The following PCDHGA1 variants were observed in gnomAD, a reference collection of about 807,000 sequenced individuals.
PCDHGA1 encodes the protein protocadherin gamma subfamily A, 1.
Under a neutral mutation model 58.0 loss-of-function variants are expected in PCDHGA1, and 32 were observed. The observed-to-expected ratio is 0.55, with a 90% CI of 0.42 to 0.74. The LOEUF (loss-of-function observed/expected upper bound fraction) is 0.74. PCDHGA1 is among the 30% of genes least tolerant of loss of function. The pLI is 0.00. For synonymous variants in PCDHGA1, 498 were observed against 501.1 expected, an observed-to-expected ratio of 0.99 and a Z score of 0.08; for missense variants, 1,205 against 1,182.3, an observed-to-expected ratio of 1.02 and a Z score of -0.28.
intron 1 of PCDHGA1, chr5:141,392,738 T>C (rs2150490352): frequency 4.2e-6 from 6 of 1,433,676 alleles, no homozygotes; most frequent in Non-Finnish European, 5.5e-6. Flanking sequence ...GTCATCTCCA[T>C]AGCTGCGGCA....
intron 2 of PCDHGA1, among the ~76,000 whole-genome samples, chr5:141,499,573 A>AT (rs2099792803): frequency 1.3e-5 from 2 of 152,108 alleles, no homozygotes; most frequent in Non-Finnish European, 2.9e-5. Context: ...AGCTTCAACT[A>AT]ATGCCTTATC....
At chr5:141,444,918 C>T (rs1197922745) in intron 1 of PCDHGA1, among the ~76,000 whole-genome samples, 1 of 152,106 alleles carries the variant, frequency 6.6e-6, no homozygotes, top group Non-Finnish European at 1.5e-5. Flanking sequence ...ATACCTTTAT[C>T]AGGGAAAGAG....
chr5:141,353,366 G>A (rs1188764395), intron 1 of PCDHGA1, among the ~76,000 whole-genome samples: 1 of 152,122 alleles, frequency 6.6e-6, no homozygotes, highest in Non-Finnish European at 1.5e-5. Flanking sequence ...TGTAATTGAT[G>A]TAATTATGTA....
chr5:141,376,027 C>A (rs750383085), intron 1 of PCDHGA1: 30 of 1,613,250 alleles, frequency 1.9e-5, no homozygotes, highest in Non-Finnish European at 2.5e-5. Context: ...CCGTCCAGGA[C>A]CACGGCCAGC....
rs1175289328 is a variant in PCDHGA1 at position 141,334,074 on chromosome 5, T to C, written c.2421+969T>C. 1.3e-5 allele frequency: 2 copies of C among 152,240 alleles called. No homozygotes were observed. Among genetic ancestry groups the C allele is most frequent in the Non-Finnish European group, 2.9e-5 (2 of 68,050 alleles). The allele number at this position is 152,240 out of a possible 1,614,324, so 9.4% of individuals were successfully genotyped here. On this transcript the variant is annotated intron_variant, in intron 1 of 3. Coordinates refer to ENST00000517417, the MANE Select transcript of PCDHGA1 (RefSeq NM_018912.3). This position sits in a 1 kb window ranked among gnomAD's most constrained non-coding sequence, Gnocchi z 4.6. ...GAGTAAGTCCATGCTTTGATGTATT[T>C]ACTCTGCTCCAATAAAATACAGAGA...
Position 141,400,379 on chromosome 5 carries a change from G to C in PCDHGA1, c.2421+67274G>C, listed in dbSNP as rs759135733. 3 of 1,613,922 alleles carry C rather than the reference G, an allele frequency of 1.9e-6. No homozygotes were observed. The East Asian group carries it at 6.7e-5, about 36-fold the overall frequency. ...ACTTTGCCTTATTCCTACAACCTAT[G>C]TGTTGCACATACAGGAAAGACGGAG... On this transcript the variant is annotated intron_variant, in intron 1 of 3. Coordinates refer to ENST00000517417, the MANE Select transcript of PCDHGA1 (RefSeq NM_018912.3).
Position 141,399,669 on chromosome 5 carries a change from C to T in PCDHGA1, c.2421+66564C>T, listed in dbSNP as rs2093861369. 1.9e-6 allele frequency: 3 copies of T among 1,613,524 alleles called. No individual in the cohort carries two copies. The African/African-American group carries it at 4.0e-5, about 22-fold the overall frequency. On this transcript the variant is annotated intron_variant, in intron 1 of 3. Coordinates refer to ENST00000517417, the MANE Select transcript of PCDHGA1 (RefSeq NM_018912.3). ...AAAGTGGGGTGGTGTTCGCGCAGCG[C>T]GCCTTTGACTACGAGCAGCTGCGCA...
intron 1 of PCDHGA1, chr5:141,408,489 G>A: frequency 6.2e-7 from 1 of 1,614,076 alleles, no homozygotes; most frequent in Non-Finnish European, 8.5e-7. Flanking sequence ...GAGCAAATAT[G>A]CAAAGAGAGA....
intron 1 of PCDHGA1, chr5:141,393,407 CG>C: frequency 5.0e-6 from 8 of 1,614,056 alleles, no homozygotes; most frequent in Non-Finnish European, 6.8e-6. Context: ...TGCTGGAGCG[CG>C]CCCTGGACAG....
chr5:141,355,593 C>A (rs770322971), intron 1 of PCDHGA1: 8 of 1,613,990 alleles, frequency 5.0e-6, no homozygotes, highest in Non-Finnish European at 6.8e-6. Context: ...ATAACCCACC[C>A]AGTTTTGGGA....
At chr5:141,384,494 T>C in intron 1 of PCDHGA1, 1 of 1,613,972 alleles carries the variant, frequency 6.2e-7, no homozygotes, top group African/African-American at 1.3e-5. Flanking sequence ...CAACTAAGAG[T>C]GACTGCACAT....
chr5:141,447,650 TC>T (rs1036312126), intron 1 of PCDHGA1, among the ~76,000 whole-genome samples: 1 of 151,988 alleles, frequency 6.6e-6, no homozygotes, highest in Non-Finnish European at 1.5e-5. Context: ...GGTAGAATTT[TC>T]CCCCCCAGGA....
chr5:141,497,413 T>C (rs572922456), intron 2 of PCDHGA1, among the ~76,000 whole-genome samples: 8 of 152,046 alleles, frequency 5.3e-5, no homozygotes, highest in Admixed American at 5.2e-4. Context: ...TCCCATTCCA[T>C]CAAATGAGAG....
chr5:141,335,071 A>G (rs1756548970), intron 1 of PCDHGA1, among the ~76,000 whole-genome samples: 1 of 152,210 alleles, frequency 6.6e-6, no homozygotes, highest in South Asian at 2.1e-4. Context: ...TCTGGTAACT[A>G]TTGAAGACTT....
At chr5:141,478,524 C>T in intron 1 of PCDHGA1, 1 of 1,609,844 alleles carries the variant, frequency 6.2e-7, no homozygotes, top group Non-Finnish European at 8.5e-7. Flanking sequence ...GTGTTGGGTG[C>T]AGAGAGCGCC....
chr5:141,433,742 C>T lies in PCDHGA1; in HGVS notation c.2422-61065C>T, dbSNP rs927651405. 2.6e-5 allele frequency among the ~76,000 whole-genome samples: 4 copies of T among 150,944 alleles called. No homozygotes were observed. The East Asian group carries it at 7.9e-4, about 30-fold the overall frequency. On this transcript the variant is annotated intron_variant, in intron 1 of 3. Coordinates refer to ENST00000517417, the MANE Select transcript of PCDHGA1 (RefSeq NM_018912.3). Reference sequence around the variant, plus strand: ...ATCCCAGCTACTTGGGAGGCTGAGTCAGGAGAATTGCTTTAACCTGGGAGG... The same window carrying T: ...ATCCCAGCTACTTGGGAGGCTGAGTTAGGAGAATTGCTTTAACCTGGGAGG...
At chr5:141,419,159 T>G in intron 1 of PCDHGA1, 1 of 1,613,916 alleles carries the variant, frequency 6.2e-7, no homozygotes, top group Non-Finnish European at 8.5e-7. Flanking sequence ...TCCGTTATCC[T>G]CCAGCAAAAC....
intron 1 of PCDHGA1, chr5:141,370,538 G>C: frequency 6.2e-7 from 1 of 1,613,906 alleles, no homozygotes; most frequent in Non-Finnish European, 8.5e-7. Flanking sequence ...CGCTGGTAGG[G>C]AACCTCGCCA....
Position 141,477,673 on chromosome 5 carries a change from G to A in PCDHGA1, c.2422-17134G>A. The A allele has an allele frequency of 1.2e-6, 2 of 1,614,168 alleles. No individual in the cohort carries two copies. The highest frequency in any genetic ancestry group is 8.5e-7 in the Non-Finnish European group (1 of 1,180,050). ...CAATAAATCGTGACAATGGCATAGT[G>A]TCATCCTTAGTGCCCCTAGACTATG... On this transcript the variant is annotated intron_variant, in intron 1 of 3. Coordinates refer to ENST00000517417, the MANE Select transcript of PCDHGA1 (RefSeq NM_018912.3). This position sits in a 1 kb window ranked among gnomAD's most constrained non-coding sequence, Gnocchi z 4.9.
Sources: allele counts gnomAD v4.1 joint callset (sites outside exome capture counted in the v4.1 genomes callset), GRCh38; gene constraint gnomAD v4.1.1; non-coding constraint Gnocchi (gnomAD v3.1); transcripts MANE v1.5; gene names NCBI Gene and HGNC (gene_info 2026-07-23, HGNC 2026-07-21).